The following NBPF11 variants were observed in gnomAD, a reference collection of about 807,000 sequenced individuals.
NBPF11 encodes the protein NBPF member 11.
A neutral mutation model predicts 93.9 loss-of-function variants in NBPF11; 72 were observed. The observed-to-expected ratio is 0.77, with a 90% CI of 0.63 to 0.93. NBPF11 has a LOEUF of 0.93. Ranked by LOEUF, NBPF11 falls within the 40% of genes least tolerant of loss-of-function variation. NBPF11 has a pLI of 0.00. For synonymous variants in NBPF11, 224 were observed against 304.9 expected (o/e 0.73, Z 2.76); for missense variants, 705 against 802.2 (o/e 0.88, Z 1.46).
Position 148,103,652 on chromosome 1 carries a change from G to A in NBPF11, c.*244C>T, listed in dbSNP as rs1368963922. On this transcript the variant is annotated 3_prime_UTR_variant, in exon 24 of 24. Transcript: ENST00000682118. ...CCTGCCTGCAGGAATGACACCTCTC[G>A]GCTTAGTAAGGGCTGCTTATTGTGG... 9.0e-5 allele frequency: 145 copies of A among 1,610,902 alleles called. No homozygotes were observed. Among genetic ancestry groups the A allele is most frequent in the Middle Eastern group, 2.3e-4 (1 of 4,442 alleles).
intron 15 of NBPF11, among the ~76,000 whole-genome samples, chr1:148,111,042 T>C (rs1186629213): frequency 2.0e-5 from 3 of 151,564 alleles, no homozygotes; most frequent in African/African-American, 7.3e-5. Context: ...GAAGAAAGCA[T>C]ATATACATCT....
intron 1 of NBPF11, chr1:148,149,123 G>T (rs1251053014): frequency 1.0e-5 from 16 of 1,573,252 alleles, no homozygotes; most frequent in East Asian, 4.6e-5. Flanking sequence ...GTGCGCGCGC[G>T]TTGGAGGCCG....
At chr1:148,133,712 C>T (rs1318590432) in intron 4 of NBPF11, among the ~76,000 whole-genome samples, 72 of 150,336 alleles carry the variant, frequency 4.8e-4, no homozygotes, top group Admixed American at 1.8e-3. Context: ...CTGAGGCGGG[C>T]GGATCACACT....
intron 10 of NBPF11, among the ~76,000 whole-genome samples, chr1:148,120,077 G>C (rs1198614991): frequency 6.6e-6 from 1 of 151,282 alleles, no homozygotes; most frequent in African/African-American, 2.4e-5. Flanking sequence ...AGAGTCACTA[G>C]AACAGAGCTT....
intron 2 of NBPF11, among the ~76,000 whole-genome samples, chr1:148,142,737 G>T (rs1672399157): frequency 6.6e-6 from 1 of 151,694 alleles, no homozygotes; most frequent in Non-Finnish European, 1.5e-5. Flanking sequence ...GCAGGGCATG[G>T]TACCTAATAG....
chr1:148,136,321 A>G (rs1671273931), intron 3 of NBPF11, among the ~76,000 whole-genome samples: 3 of 152,012 alleles, frequency 2.0e-5, no homozygotes, highest in Admixed American at 2.0e-4. Context: ...AAACATTCAA[A>G]TATCTATCAA....
intron 10 of NBPF11, among the ~76,000 whole-genome samples, chr1:148,119,958 C>T (rs1256106241): frequency 1.6e-5 from 2 of 125,934 alleles, no homozygotes; most frequent in African/African-American, 5.3e-5. Context: ...ACGGCCCCTA[C>T]TCCCTGCTCT....
intron 3 of NBPF11, among the ~76,000 whole-genome samples, chr1:148,136,862 A>C (rs1241764583): frequency 2.0e-5 from 3 of 151,886 alleles, no homozygotes; most frequent in Non-Finnish European, 4.4e-5. Context: ...CCTCATTCAC[A>C]CCTGGTGTGG....
At chr1:148,124,805 G>C in intron 6 of NBPF11, 94 bp downstream of exon 6, 3 of 1,282,152 alleles carry the variant, frequency 2.3e-6, no homozygotes, top group East Asian at 2.3e-5. Flanking sequence ...CCCTTCCCCT[G>C]GCCCAGCTTC....
chr1:148,124,933 G>A lies in NBPF11; in HGVS notation c.244C>T (p.Leu82Phe), dbSNP rs782315372. The A allele has an allele frequency of 7.5e-6, 12 of 1,609,954 alleles. No individual in the cohort carries two copies. The highest frequency in any genetic ancestry group is 1.1e-5 in the South Asian group (1 of 91,006). The change falls in exon 6 of 24, where the codon CTT (leucine) becomes TTT (phenylalanine). Residue 82 changes from leucine to phenylalanine, a missense_variant. Transcript: ENST00000682118. ...RNERQFKEEK[L>F]AEQLKQAEEL... Reference sequence around the variant, plus strand: ...TCAGCTTGCTTGAGCTGCTCTGCAAGCTTCTCCTCCTTGAACTGTCGCTCA... The same window carrying A: ...TCAGCTTGCTTGAGCTGCTCTGCAAACTTCTCCTCCTTGAACTGTCGCTCA...
At chr1:148,104,496 T>C (rs1393149507) in intron 23 of NBPF11, 41 bp downstream of exon 23, 4 of 586,260 alleles carry the variant, frequency 6.8e-6, no homozygotes, top group Non-Finnish European at 9.0e-6. Context: ...TGCCTCCAGG[T>C]GTTAACACAG....
rs1365366224 is a variant in NBPF11 at position 148,140,288 on chromosome 1, C to T, written c.-276-2479G>A. Among the ~76,000 whole-genome samples, 46 of 151,910 alleles carry T rather than the reference C, an allele frequency of 3.0e-4. 1 individual carries two copies. Among genetic ancestry groups the T allele is most frequent in the Non-Finnish European group, 4.6e-4 (31 of 68,004 alleles). The stretch of plus-strand genomic sequence containing the variant: ...TATCCTTTATAAAATAAATCTTACA[C>T]GTAAATGTAAGCGCAAAACCATAAG... On this transcript the variant is annotated intron_variant, in intron 2 of 23. Coordinates refer to ENST00000682118, the MANE Select transcript of NBPF11 (RefSeq NM_001385469.3).
intron 8 of NBPF11, 117 bp downstream of exon 8, chr1:148,122,612 A>G: frequency 6.9e-7 from 1 of 1,453,458 alleles, no homozygotes; most frequent in East Asian, 2.3e-5. Flanking sequence ...TGAATTTCAC[A>G]TACTGTGGCC....
intron 1 of NBPF11, chr1:148,149,095 C>G: frequency 1.4e-6 from 2 of 1,429,072 alleles, no homozygotes; most frequent in South Asian, 1.3e-5. Context: ...GGCCCGGGGA[C>G]GCCCGCTGGT....
At chr1:148,145,062 C>CT (rs1160714896) in intron 1 of NBPF11, among the ~76,000 whole-genome samples, 1 of 147,212 alleles carries the variant, frequency 6.8e-6, no homozygotes, top group Non-Finnish European at 1.5e-5. Context: ...GAGATTATGC[C>CT]AACACACTTC....
At position 148,124,107 on chromosome 1, in the gene NBPF11, A is replaced by C. The variant is rs6670301; in HGVS notation, c.279-40T>G. The C allele has an allele frequency of 3.7e-6, 6 of 1,606,776 alleles. No individual in the cohort carries two copies. In the Admixed American group the frequency reaches 6.7e-5, roughly 18 times the overall value. ...TAGAGAAAATTTAACAGTGAAAAGC[A>C]TTGAGTGATCCGTTCAAATATTGCA... On this transcript the variant is annotated intron_variant, in intron 6 of 23. Coordinates refer to ENST00000682118, the MANE Select transcript of NBPF11 (RefSeq NM_001385469.3).
At chr1:148,132,198 A>AATAT (rs1322200615) in intron 4 of NBPF11, among the ~76,000 whole-genome samples, 13 of 138,708 alleles carry the variant, frequency 9.4e-5, no homozygotes, top group African/African-American at 1.9e-4. Context: ...CAAAACGGTG[A>AATAT]ATATATATAT....
intron 9 of NBPF11, among the ~76,000 whole-genome samples, chr1:148,121,546 G>A (rs1475820994): frequency 1.3e-5 from 2 of 151,104 alleles, no homozygotes; most frequent in African/African-American, 4.9e-5. Context: ...TAGTAAAGAC[G>A]GGGTTTCACC....
intron 1 of NBPF11, among the ~76,000 whole-genome samples, chr1:148,145,102 G>GAAAA (rs1288214652): frequency 0.01 from 1,362 of 135,106 alleles, 18 homozygotes; most frequent in African/African-American, 0.038. Context: ...GACCCTGTCT[G>GAAAA]AAAAAAAAAA....
Sources: gnomAD v4.1 joint callset for allele counts (sites outside exome capture counted in the v4.1 genomes callset) on GRCh38, gnomAD v4.1.1 for gene constraint, MANE v1.5 for transcripts, NCBI Gene and HGNC (gene_info 2026-07-23, HGNC 2026-07-21) for gene names.